Variants in CHL1 observed in about 807,000 individuals in gnomAD.
The protein encoded by CHL1 is cell adhesion molecule L1 like.
A neutral mutation model predicts 141.9 loss-of-function variants in CHL1; 96 were observed. The observed-to-expected ratio is 0.68, with a 90% CI of 0.57 to 0.80. The LOEUF (loss-of-function observed/expected upper bound fraction) is 0.80, where lower values mean the gene tolerates loss of function less well. Among genes scored for constraint, CHL1 ranks in the 30% least tolerant of loss-of-function variants. The pLI is 0.00. For missense variants in CHL1, 1,820 were observed against 1,457.2 expected (o/e 1.25, Z -4.05); for synonymous variants, 613 against 502.2 (o/e 1.22, Z -2.95).
chr3:326,315 G>T (rs1442102080), intron 4 of CHL1, among the ~76,000 whole-genome samples: 1 of 151,988 alleles, frequency 6.6e-6, no homozygotes, highest in Non-Finnish European at 1.5e-5. Flanking sequence ...CTTTGGTACA[G>T]CAGAAATACT....
intron 4 of CHL1, among the ~76,000 whole-genome samples, chr3:327,009 T>A (rs1260760677): frequency 6.6e-6 from 1 of 151,918 alleles, no homozygotes; most frequent in African/African-American, 2.4e-5. Flanking sequence ...GGATAATTTA[T>A]TCAATCAATA....
In CHL1 at chr3:339,366, T is replaced by C. The variant is rs146787618; in HGVS notation, c.386-1428T>C. ...CTACAAGCTCTTAATGTAGTGAATA[T>C]ACTAAACATACTTTCCCGACTTTTG... On this transcript the variant is annotated intron_variant, in intron 5 of 27. Transcript: ENST00000256509. Among the ~76,000 whole-genome samples the C allele has an allele frequency of 1.8e-3, 273 of 152,376 alleles. 1 individual carries two copies. The highest frequency in any genetic ancestry group is 6.2e-3 in the African/African-American group (257 of 41,592).
chr3:214,374 C>G (rs894609339), intron 1 of CHL1, among the ~76,000 whole-genome samples: 1 of 152,126 alleles, frequency 6.6e-6, no homozygotes, highest in African/African-American at 2.4e-5. Context: ...ATAATGACTT[C>G]AAATATTAGG....
intron 2 of CHL1, among the ~76,000 whole-genome samples, chr3:263,632 G>C (rs560050515): frequency 7.9e-4 from 120 of 152,246 alleles, no homozygotes; most frequent in African/African-American, 2.7e-3. Flanking sequence ...ATCTAGCTTT[G>C]ATTTATTCAC....
At position 361,797 on chromosome 3, in the gene CHL1, G is replaced by A; in HGVS notation, c.1405G>A (p.Ala469Thr). The change falls in exon 13 of 28, where the codon GCA (alanine) becomes ACA (threonine). Residue 469 changes from alanine to threonine, a missense_variant. By Grantham distance (58) the Ala-to-Thr change is moderately conservative. Transcript: ENST00000256509. ...TTGCGAGTTCTTTGCTTCACCTGAG[G>A]CAGTCGTGTCCTGGTAAGCCGGTGG... ...LHCEFFASPE[A>T]VVSWQKVEEV... The A allele has an allele frequency of 6.2e-7, 1 of 1,610,524 alleles. No homozygotes were observed.
At chr3:211,155 C>A (rs1329579074) in intron 1 of CHL1, among the ~76,000 whole-genome samples, 1 of 152,194 alleles carries the variant, frequency 6.6e-6, no homozygotes, top group African/African-American at 2.4e-5. Context: ...TTACTCAAGG[C>A]TTCACTCTTG....
chr3:262,490 G>A (rs1694812027), intron 2 of CHL1, among the ~76,000 whole-genome samples: 1 of 119,138 alleles, frequency 8.4e-6, no homozygotes, highest in African/African-American at 4.5e-5. Flanking sequence ...AGTACTCACA[G>A]GGCAGGATTC....
intron 1 of CHL1, among the ~76,000 whole-genome samples, chr3:203,237 T>C (rs1282932617): frequency 6.6e-6 from 1 of 152,236 alleles, no homozygotes; most frequent in Non-Finnish European, 1.5e-5. Flanking sequence ...GTATAAATAT[T>C]TCATTTGGCC....
chr3:284,766 C>T (rs2125311863), intron 2 of CHL1, among the ~76,000 whole-genome samples: 2 of 105,186 alleles, frequency 1.9e-5, no homozygotes, highest in Admixed American at 8.3e-5. Context: ...AATGCGTATT[C>T]ATCTTTTTTT....
rs1270997471 is a variant in CHL1, at chr3:363,332, G to A, written c.1534G>A (p.Val512Ile). Residue 512 changes from valine (V) to isoleucine (I), a missense_variant, in exon 14 of 28, where the codon GTA becomes ATA. Val to Ile is a conservative substitution (Grantham distance 29). Transcript: ENST00000256509. The part of the protein sequence containing the change: ...EEDAGSYSCW[V>I]ENAIGKTAVT... ...AGATGCTGGGTCTTACTCATGTTGGGTAGAAAATGCTATAGGAAAAACTGC... is the reference window on the plus strand; with the variant it reads ...AGATGCTGGGTCTTACTCATGTTGGATAGAAAATGCTATAGGAAAAACTGC... 1 of 1,613,310 alleles carries A rather than the reference G, an allele frequency of 6.2e-7. No individual in the cohort carries two copies. The highest frequency in any genetic ancestry group is 1.1e-5 in the South Asian group (1 of 90,988).
intron 2 of CHL1, chr3:309,377 T>TTCCTTCCTTCCTTCC (rs1402831918): frequency 7.4e-6 from 1 of 134,652 alleles, no homozygotes; most frequent in Non-Finnish European, 1.5e-5. Context: ...TTTTCTTTCC[T>TTCCTTCCTTCCTTCC]TCCTTCCTTC....
At chr3:198,114 A>C (rs1698543636) in intron 1 of CHL1, 1 of 274,718 alleles carries the variant, frequency 3.6e-6, no homozygotes, top group Admixed American at 4.6e-5. Flanking sequence ...CCAGACGGCC[A>C]GCAGGGTGGA....
At chr3:361,913 C>A (rs1439113706) in intron 13 of CHL1, 103 bp downstream of exon 13, 5 of 802,406 alleles carry the variant, frequency 6.2e-6, no homozygotes, top group South Asian at 3.0e-5. Context: ...TATATTGTTA[C>A]ATGTACCCAG....
chr3:239,297 C>A (rs914095539), intron 1 of CHL1, among the ~76,000 whole-genome samples: 5 of 152,190 alleles, frequency 3.3e-5, no homozygotes, highest in South Asian at 4.1e-4. Flanking sequence ...AAAACAGATA[C>A]TATTATCCCT....
chr3:298,745 G>T (rs1312555799), intron 2 of CHL1, among the ~76,000 whole-genome samples: 1 of 152,120 alleles, frequency 6.6e-6, no homozygotes, highest in Non-Finnish European at 1.5e-5. Flanking sequence ...AGAATGAGTG[G>T]TAGACCTATT....
At chr3:332,675 A>G (rs551499168) in intron 5 of CHL1, among the ~76,000 whole-genome samples, 2 of 152,320 alleles carry the variant, frequency 1.3e-5, no homozygotes, top group Non-Finnish European at 2.9e-5. Flanking sequence ...AATTGTTCTC[A>G]GGAGTTTGGA....
chr3:254,122 T>C (rs1396572386), intron 2 of CHL1, among the ~76,000 whole-genome samples: 3 of 152,198 alleles, frequency 2.0e-5, no homozygotes, highest in Non-Finnish European at 4.4e-5. Flanking sequence ...ACTTAACATG[T>C]TAGCCCTGCT....
intron 23 of CHL1, among the ~76,000 whole-genome samples, chr3:392,562 G>A (rs1015373185): frequency 4.6e-5 from 7 of 152,102 alleles, no homozygotes; most frequent in Admixed American, 1.3e-4. Context: ...ATGGAAATTC[G>A]GGGATTGACA....
rs17022054 is a variant in CHL1, at chr3:300,945, A to G, written c.-94-18738A>G. 4.5e-3 allele frequency among the ~76,000 whole-genome samples: 687 copies of G among 152,298 alleles called. 11 individuals are homozygous for G. The highest frequency in any genetic ancestry group is 0.016 in the African/African-American group (655 of 41,564). On this transcript the variant is annotated intron_variant, in intron 2 of 27. Transcript: ENST00000256509. Reference sequence around the variant, plus strand: ...TAACAAGAGATTGGAGTGTTTAGGAAGTTAAAAGAACATGTAATTGAAGCT... The same window carrying G: ...TAACAAGAGATTGGAGTGTTTAGGAGGTTAAAAGAACATGTAATTGAAGCT...
Sources: gnomAD v4.1 joint callset for allele counts (sites outside exome capture counted in the v4.1 genomes callset) on GRCh38, gnomAD v4.1.1 for gene constraint, MANE v1.5 for transcripts, NCBI Gene and HGNC (gene_info 2026-07-23, HGNC 2026-07-21) for gene names.